The following OPHN1 variants were observed in gnomAD, a reference collection of about 807,000 sequenced individuals.
OPHN1 encodes the protein oligophrenin 1.
In OPHN1, 11 loss-of-function variants were observed where a neutral mutation model predicts 60.7. The ratio of observed to expected loss-of-function variants is 0.18; its 90% CI spans 0.11 to 0.30. The LOEUF is 0.30. Among genes scored for constraint, OPHN1 ranks in the 10% least tolerant of loss-of-function variants. The pLI is 1.00. For synonymous variants in OPHN1, 226 were observed against 222.6 expected, an observed-to-expected ratio of 1.02 and a Z score of -0.14; for missense variants, 449 against 611.0, an observed-to-expected ratio of 0.73 and a Z score of 2.80.
chrX:68,217,358 G>A (rs867547624), intron 6 of OPHN1, among the ~76,000 whole-genome samples: 2 of 111,065 alleles, frequency 1.8e-5, no homozygotes, highest in South Asian at 3.8e-4. Flanking sequence ...GGGGAGGGGC[G>A]CCCGCCATTG....
chrX:68,147,794 A>G (rs1181687637), intron 15 of OPHN1, among the ~76,000 whole-genome samples: 6 of 111,889 alleles, frequency 5.4e-5, no homozygotes, highest in Non-Finnish European at 5.6e-5. Flanking sequence ...GTGGATAGTC[A>G]ATGCCTTAAA....
intron 15 of OPHN1, among the ~76,000 whole-genome samples, chrX:68,165,332 C>A (rs1338682168): frequency 9.0e-6 from 1 of 111,462 alleles, no homozygotes; most frequent in African/African-American, 3.3e-5. Context: ...TTTAGCATTT[C>A]ATTTAAAGTG....
At chrX:68,057,710 G>A (rs2076878319) in intron 21 of OPHN1, among the ~76,000 whole-genome samples, 1 of 111,487 alleles carries the variant, frequency 9.0e-6, no homozygotes, top group Admixed American at 9.5e-5. Flanking sequence ...GGATTTTCTT[G>A]GCTGAAGACA....
chrX:68,143,455 G>A (rs946608524), intron 15 of OPHN1, among the ~76,000 whole-genome samples: 2 of 110,860 alleles, frequency 1.8e-5, no homozygotes, highest in Non-Finnish European at 3.8e-5. Context: ...CTTCATCTTT[G>A]GGAAACGGGT....
At chrX:68,301,336 C>T (rs1483014198) in intron 2 of OPHN1, among the ~76,000 whole-genome samples, 1 of 105,034 alleles carries the variant, frequency 9.5e-6, no homozygotes, top group African/African-American at 3.5e-5. Flanking sequence ...GTCCCAGCTA[C>T]TTGGGGGGTT....
chrX:68,353,757 C>T (rs1381295045), intron 2 of OPHN1, among the ~76,000 whole-genome samples: 1 of 111,797 alleles, frequency 8.9e-6, no homozygotes, highest in East Asian at 2.8e-4. Flanking sequence ...TCTACTTTCA[C>T]AATTTCCATT....
intron 2 of OPHN1, among the ~76,000 whole-genome samples, chrX:68,416,067 TAG>T (rs1171250178): frequency 0.012 from 103 of 8,284 alleles, 1 homozygote; most frequent in East Asian, 0.027. Context: ...TATATATATA[TAG>T]AGAGAGAGAG....
At chrX:68,053,594 T>C in intron 22 of OPHN1, 51 bp downstream of exon 22, 3 of 1,152,842 alleles carry the variant, frequency 2.6e-6, no homozygotes, top group Non-Finnish European at 2.4e-6. Flanking sequence ...AAAGCATTCC[T>C]AGTGGCCTAG....
intron 2 of OPHN1, among the ~76,000 whole-genome samples, chrX:68,380,246 G>A (rs919379497): frequency 3.6e-5 from 4 of 111,558 alleles, no homozygotes; most frequent in Non-Finnish European, 7.5e-5. Flanking sequence ...TCTGATGGTA[G>A]TTTGTATGTC....
chrX:68,089,604 G>C (rs1391961425), intron 19 of OPHN1, among the ~76,000 whole-genome samples: 1 of 111,359 alleles, frequency 9.0e-6, no homozygotes, highest in Non-Finnish European at 1.9e-5. Context: ...TACAGCCCCA[G>C]CTAGAGAGAG....
At chrX:68,077,999 G>A (rs1376966240) in intron 19 of OPHN1, among the ~76,000 whole-genome samples, 1 of 111,752 alleles carries the variant, frequency 8.9e-6, no homozygotes, top group African/African-American at 3.3e-5. Flanking sequence ...TTTGCCAAAA[G>A]AAGATCATGT....
chrX:68,229,828 A>G (rs1253689399), intron 6 of OPHN1, among the ~76,000 whole-genome samples: 4 of 112,122 alleles, frequency 3.6e-5, no homozygotes, highest in African/African-American at 9.7e-5. Flanking sequence ...AAACCTAGGC[A>G]ATACCATTCA....
At chrX:68,381,242 CAT>C (rs993395332) in intron 2 of OPHN1, among the ~76,000 whole-genome samples, 1 of 111,907 alleles carries the variant, frequency 8.9e-6, no homozygotes, top group Non-Finnish European at 1.9e-5. Flanking sequence ...ACCCCCTACA[CAT>C]GACACTTCCT....
At chrX:68,265,933 G>T (rs935392221) in intron 5 of OPHN1, among the ~76,000 whole-genome samples, 3 of 111,128 alleles carry the variant, frequency 2.7e-5, no homozygotes, top group Non-Finnish European at 5.7e-5. Flanking sequence ...TATCAGTGAC[G>T]GAAGATCAAA....
chrX:68,213,708 A>G (rs1432085995), intron 7 of OPHN1, among the ~76,000 whole-genome samples, 154 bp downstream of exon 7: 2 of 111,754 alleles, frequency 1.8e-5, no homozygotes, highest in Non-Finnish European at 3.8e-5. Context: ...AAGTATACTA[A>G]AGAACAAGAA....
intron 2 of OPHN1, chrX:68,361,217 C>T (rs940777850): frequency 1.8e-5 from 2 of 111,342 alleles, no homozygotes; most frequent in African/African-American, 3.3e-5. Context: ...CACAGTGGCT[C>T]ACACCTGTAA....
Position 68,230,743 on chromosome X carries a change from A to G in OPHN1, c.486+3744T>C, listed in dbSNP as rs371891612. Among the ~76,000 whole-genome samples the G allele has an allele frequency of 3.8e-4, 31 of 80,658 alleles. 1 individual carries two copies. The highest frequency in any genetic ancestry group is 1.5e-3 in the African/African-American group (30 of 20,552). 70.0% of individuals were successfully genotyped at this position (80,658 alleles called of 115,157 possible). On this transcript the variant is annotated intron_variant, in intron 6 of 24. Coordinates refer to ENST00000355520, the MANE Select transcript of OPHN1 (RefSeq NM_002547.3). ...AATACTTGGATACAGGGTGGGGAAC[A>G]TCACACACTGGAGCTTGACGTGGGG...
chrX:68,051,639 G>T (rs1054240091), intron 23 of OPHN1, among the ~76,000 whole-genome samples: 4 of 110,781 alleles, frequency 3.6e-5, no homozygotes, highest in Non-Finnish European at 7.5e-5. Context: ...ATCCCTGTCA[G>T]CTGCCCTTTG....
intron 2 of OPHN1, among the ~76,000 whole-genome samples, chrX:68,413,305 A>G (rs1027140796): frequency 8.9e-6 from 1 of 111,732 alleles, no homozygotes; most frequent in African/African-American, 3.3e-5. Context: ...ATTAATGTAC[A>G]TTAGCCCTGC....
Sources: gnomAD v4.1 joint callset for allele counts (sites outside exome capture counted in the v4.1 genomes callset) on GRCh38, gnomAD v4.1.1 for gene constraint, MANE v1.5 for transcripts, NCBI Gene and HGNC (gene_info 2026-07-23, HGNC 2026-07-21) for gene names.